The following S1PR3 variants were observed in gnomAD, a reference collection of about 807,000 sequenced individuals.
S1PR3 encodes the protein sphingosine 1-phosphate receptor 3.
Under a neutral mutation model 13.3 loss-of-function variants are expected in S1PR3, and 12 were observed. The ratio of observed to expected loss-of-function variants is 0.90; its 90% CI spans 0.58 to 1.46. The LOEUF is 1.46. Among genes scored for constraint, S1PR3 ranks in the 40% most tolerant of loss-of-function variants. The probability of loss-of-function intolerance (pLI) is 0.00; values close to 1 mark genes in which losing one functional copy is unlikely to be tolerated. For missense variants in S1PR3, 450 were observed against 501.9 expected (o/e 0.90, Z 0.99); for synonymous variants, 232 against 214.0 (o/e 1.08, Z -0.73).
chr9:88,991,059 A>C, upstream of S1PR3: 1 of 1,613,548 alleles, frequency 6.2e-7, no homozygotes. This position sits in a 1 kb window ranked among gnomAD's most constrained non-coding sequence, Gnocchi z 4.0. Flanking sequence ...CGGCCCAAAC[A>C]AACCCTCGCT....
At position 88,995,011 on chromosome 9, in the gene S1PR3, T is replaced by C. The variant is rs937831403; in HGVS notation, c.-148+3316T>C. The C allele has an allele frequency of 1.8e-5, 3 of 167,118 alleles. No homozygotes were observed. In the Admixed American group the frequency reaches 2.0e-4, roughly 11 times the overall value. 10.4% of individuals were successfully genotyped at this position (167,118 alleles called of 1,614,324 possible). On this transcript the variant is annotated intron_variant, in intron 1 of 1. Coordinates refer to ENST00000358157, the MANE Select transcript of S1PR3 (RefSeq NM_005226.4). ...AATCTAGAGCAAGGGAAAATACTCATTAGCAAAGGAATTTTGCTGGAGCCT... is the reference window on the plus strand; with the variant it reads ...AATCTAGAGCAAGGGAAAATACTCACTAGCAAAGGAATTTTGCTGGAGCCT...
In S1PR3 at chr9:88,991,751, G is replaced by A. The variant is rs1361414094; in HGVS notation, c.-148+56G>A. 1.9e-6 allele frequency: 3 copies of A among 1,553,358 alleles called. No individual in the cohort carries two copies. Among genetic ancestry groups the A allele is most frequent in the Non-Finnish European group, 2.6e-6 (3 of 1,148,492 alleles). On this transcript the variant is annotated intron_variant, in intron 1 of 1. Coordinates refer to ENST00000358157, the MANE Select transcript of S1PR3 (RefSeq NM_005226.4). The surrounding 1 kb of genome is among the most constrained non-coding windows in gnomAD (Gnocchi z 4.0). The stretch of plus-strand genomic sequence containing the variant: ...CCAGGGTGGGGGGCTGGGGGCCGAA[G>A]GACCCACCTTTCCAACAAAATCCCC...
At position 89,001,458 on chromosome 9, in the gene S1PR3, G is replaced by T. The variant is rs1267527014; in HGVS notation, c.258G>T (p.Leu86=). Residue 86 remains leucine, a synonymous_variant, in exon 2 of 2, where the codon CTG becomes CTT. Coordinates refer to ENST00000358157, the MANE Select transcript of S1PR3 (RefSeq NM_005226.4). The part of the protein sequence containing the change: ...FFIGNLALCD[L]LAGIAYKVNI... Reference sequence around the variant, plus strand: ...TTGGCAACCTGGCTCTCTGCGACCTGCTGGCCGGCATCGCTTACAAGGTCA... The same window carrying T: ...TTGGCAACCTGGCTCTCTGCGACCTTCTGGCCGGCATCGCTTACAAGGTCA... 1 of 1,614,112 alleles carries T rather than the reference G, an allele frequency of 6.2e-7. No individual in the cohort carries two copies. Among genetic ancestry groups the T allele is most frequent in the East Asian group, 2.2e-5 (1 of 44,896 alleles).
Position 89,002,383 on chromosome 9 carries a change from A to T in S1PR3, c.*46A>T. 1 of 1,582,238 alleles carries T rather than the reference A, an allele frequency of 6.3e-7. No individual in the cohort carries two copies. The highest frequency in any genetic ancestry group is 8.6e-7 in the Non-Finnish European group (1 of 1,162,076). Reference sequence around the variant, plus strand: ...CTGCGGCTGTGTTCTTATTTATTGCATGCGTCGCTTCCACAGGGGCCCCTC... The same window carrying T: ...CTGCGGCTGTGTTCTTATTTATTGCTTGCGTCGCTTCCACAGGGGCCCCTC... On this transcript the variant is annotated 3_prime_UTR_variant, in exon 2 of 2. Coordinates refer to ENST00000358157, the MANE Select transcript of S1PR3 (RefSeq NM_005226.4).
At chr9:89,000,030 AAAAT>A (rs1373605980) in intron 1 of S1PR3, 1 of 144,884 alleles carries the variant, frequency 6.9e-6, no homozygotes, top group South Asian at 2.1e-4. Flanking sequence ...ATAAAAATAA[AAAAT>A]AAAATAAAAT....
intron 1 of S1PR3, chr9:88,994,944 T>C (rs901684924): frequency 6.0e-6 from 1 of 167,124 alleles, no homozygotes; most frequent in Non-Finnish European, 1.5e-5. Context: ...GCATGCATTT[T>C]GCAATGGACT....
upstream of S1PR3, chr9:88,991,175 T>G: frequency 6.2e-7 from 1 of 1,603,820 alleles, no homozygotes; most frequent in Non-Finnish European, 8.5e-7. This position sits in a 1 kb window ranked among gnomAD's most constrained non-coding sequence, Gnocchi z 4.0. Context: ...GCTCGCCCGA[T>G]GAGGACAAGG....
rs775105666 is a variant in S1PR3 at position 89,002,171 on chromosome 9, G to A, written c.971G>A (p.Arg324His). The change falls in exon 2 of 2, where the codon CGC becomes CAC. Residue 324 changes from arginine (R) to histidine (H), a missense_variant. Transcript: ENST00000358157. ...TGCCTGGTCAGGGGACGGGGGGCCC[G>A]CGCCTCACCCATCCAGCCTGCGCTC... ...CNCLVRGRGA[R>H]ASPIQPALDP... 5.6e-6 allele frequency: 9 copies of A among 1,613,818 alleles called. No individual in the cohort carries two copies. Among genetic ancestry groups the A allele is most frequent in the East Asian group, 2.2e-5 (1 of 44,836 alleles).
intron 1 of S1PR3, chr9:88,995,259 T>G (rs1825786856): frequency 6.0e-6 from 1 of 167,074 alleles, no homozygotes; most frequent in South Asian, 2.1e-4. Context: ...CTATCTTTTA[T>G]GCGGAGAGAG....
Position 88,991,917 on chromosome 9 carries a change from C to A in S1PR3, c.-148+222C>A. 2 of 1,614,224 alleles carry A rather than the reference C, an allele frequency of 1.2e-6. No homozygotes were observed. Among genetic ancestry groups the A allele is most frequent in the Non-Finnish European group, 8.5e-7 (1 of 1,180,046 alleles). ...CCGGAGCGTTTACAACGGGCTGGAG[C>A]TGAATACCTGGATGAAAGTGGAGAG... On this transcript the variant is annotated intron_variant, in intron 1 of 1. Coordinates refer to ENST00000358157, the MANE Select transcript of S1PR3 (RefSeq NM_005226.4). This position sits in a 1 kb window ranked among gnomAD's most constrained non-coding sequence, Gnocchi z 4.0.
Position 89,001,960 on chromosome 9 carries a change from G to A in S1PR3, c.760G>A (p.Ala254Thr), listed in dbSNP as rs771119551. Residue 254 changes from alanine to threonine, a missense_variant, in exon 2 of 2, where the codon GCC (alanine) becomes ACC (threonine). Physicochemically the swap from Ala to Thr is moderately conservative, Grantham distance 58. Transcript: ENST00000358157. ...TVVIVVSVFIACWSPLFILFL... is the reference protein window; with the variant it reads ...TVVIVVSVFITCWSPLFILFL... ...GGTGATTGTGGTGAGCGTGTTCATC[G>A]CCTGCTGGTCCCCACTCTTCATCCT... The A allele has an allele frequency of 2.0e-5, 33 of 1,613,952 alleles. No individual in the cohort carries two copies. The East Asian group carries it at 2.2e-4, about 11-fold the overall frequency.
At chr9:88,991,032 ATCC>A (rs760435447), upstream of S1PR3, 1 of 1,613,516 alleles carries the variant, frequency 6.2e-7, no homozygotes, top group Non-Finnish European at 8.5e-7. The surrounding 1 kb of genome is among the most constrained non-coding windows in gnomAD (Gnocchi z 4.0). Flanking sequence ...GATAGTATTA[ATCC>A]TCCTATTAAG....
At position 89,002,361 on chromosome 9, in the gene S1PR3, C is replaced by A; in HGVS notation, c.*24C>A. The A allele has an allele frequency of 3.7e-6, 6 of 1,607,058 alleles. No individual in the cohort carries two copies. The highest frequency in any genetic ancestry group is 5.1e-6 in the Non-Finnish European group (6 of 1,175,406). ...GATCGTCTCCATGCGCCCTGCTCTGCGGCTGTGTTCTTATTTATTGCATGC... is the reference window on the plus strand; with the variant it reads ...GATCGTCTCCATGCGCCCTGCTCTGAGGCTGTGTTCTTATTTATTGCATGC... On this transcript the variant is annotated 3_prime_UTR_variant, in exon 2 of 2. Coordinates refer to ENST00000358157, the MANE Select transcript of S1PR3 (RefSeq NM_005226.4).
In S1PR3 at chr9:89,002,797, T is replaced by C. The variant is rs1182100975; in HGVS notation, c.*460T>C. On this transcript the variant is annotated 3_prime_UTR_variant, in exon 2 of 2. Coordinates refer to ENST00000358157, the MANE Select transcript of S1PR3 (RefSeq NM_005226.4). ...AGGTGTTTGCCATGTGGTACCTACATAGAATCTCCATACAACACACAGGTA... is the reference window on the plus strand; with the variant it reads ...AGGTGTTTGCCATGTGGTACCTACACAGAATCTCCATACAACACACAGGTA... 4.8e-6 allele frequency: 1 copy of C among 206,732 alleles called. No homozygotes were observed. The highest frequency in any genetic ancestry group is 1.1e-5 in the Non-Finnish European group (1 of 91,216). 12.8% of individuals were successfully genotyped at this position (206,732 alleles called of 1,614,324 possible).
intron 1 of S1PR3, chr9:88,993,788 A>G (rs986044112): frequency 6.6e-6 from 1 of 152,186 alleles, no homozygotes; most frequent in African/African-American, 2.4e-5. Context: ...TTTTTGAGGC[A>G]TTGAAGCTGT....
chr9:88,990,981 C>A, upstream of S1PR3: 1 of 1,612,270 alleles, frequency 6.2e-7, no homozygotes, highest in Non-Finnish European at 8.5e-7. Flanking sequence ...CGGTGCTCGG[C>A]CAGTTACAAA....
rs1825883914 is a variant in S1PR3 at position 89,002,494 on chromosome 9, C to T, written c.*157C>T. On this transcript the variant is annotated 3_prime_UTR_variant, in exon 2 of 2. Coordinates refer to ENST00000358157, the MANE Select transcript of S1PR3 (RefSeq NM_005226.4). Reference sequence around the variant, plus strand: ...CTCTTACAGAGGGGGCCCAAGGAATCACCACCCCGCTTCAGTGTAAACAAC... The same window carrying T: ...CTCTTACAGAGGGGGCCCAAGGAATTACCACCCCGCTTCAGTGTAAACAAC... 2.4e-6 allele frequency: 2 copies of T among 841,470 alleles called. No homozygotes were observed. The highest frequency in any genetic ancestry group is 3.6e-5 in the South Asian group (2 of 55,320). 52.1% of individuals were successfully genotyped at this position (841,470 alleles called of 1,614,324 possible). A position where few individuals can be genotyped will look rare whatever the true frequency, so the allele number is the denominator to read the frequency against.
intron 1 of S1PR3, chr9:89,000,173 T>G (rs1825850548): frequency 6.6e-6 from 1 of 151,962 alleles, no homozygotes; most frequent in Non-Finnish European, 1.5e-5. Context: ...GGGGGAAGAG[T>G]TTGGAATTCA....
chr9:88,996,702 C>G (rs1825807470), intron 1 of S1PR3: 1 of 152,496 alleles, frequency 6.6e-6, no homozygotes, highest in Non-Finnish European at 1.5e-5. Context: ...GGGTGCTGGT[C>G]TCACTGATCT....
Sources: allele counts gnomAD v4.1 joint callset, GRCh38; gene constraint gnomAD v4.1.1; non-coding constraint Gnocchi (gnomAD v3.1); transcripts MANE v1.5; gene names NCBI Gene and HGNC (gene_info 2026-07-23, HGNC 2026-07-21).